The following PLGRKT variants were observed in gnomAD, a reference collection of about 807,000 sequenced individuals.
PLGRKT encodes plasminogen receptor with a C-terminal lysine, also known as plasminogen receptor (KT).
PLGRKT carries 22 observed loss-of-function variants against 18.5 expected under a neutral mutation model. The observed-to-expected ratio is 1.19, with a 90% CI of 0.85 to 1.70. The LOEUF (loss-of-function observed/expected upper bound fraction) is 1.70. Among genes scored for constraint, PLGRKT ranks in the 40% most tolerant of loss-of-function variants. The probability of loss-of-function intolerance (pLI) is 0.00; values close to 1 mark genes in which losing one functional copy is unlikely to be tolerated. For synonymous variants in PLGRKT, 72 were observed against 52.8 expected, an observed-to-expected ratio of 1.36 and a Z score of -1.58; for missense variants, 235 against 174.4, an observed-to-expected ratio of 1.35 and a Z score of -1.96.
At chr9:5,381,696 T>C (rs1010814990) in intron 3 of PLGRKT, among the ~76,000 whole-genome samples, 2 of 152,192 alleles carry the variant, frequency 1.3e-5, no homozygotes, top group African/African-American at 4.8e-5. Context: ...AGGGGTCACC[T>C]CTTGGGAGGA....
At chr9:5,400,786 T>A (rs758559836) in intron 3 of PLGRKT, among the ~76,000 whole-genome samples, 1 of 152,026 alleles carries the variant, frequency 6.6e-6, no homozygotes, top group Non-Finnish European at 1.5e-5. Flanking sequence ...TGGGGTTCTA[T>A]CCTTAACATA....
intron 5 of PLGRKT, among the ~76,000 whole-genome samples, chr9:5,359,005 T>C (rs1180639285): frequency 6.6e-6 from 1 of 152,084 alleles, no homozygotes; most frequent in Non-Finnish European, 1.5e-5. Context: ...TTTATAAGCC[T>C]CCCTTGGGAT....
chr9:5,429,592 T>C (rs2131174131), intron 3 of PLGRKT, among the ~76,000 whole-genome samples: 2 of 152,288 alleles, frequency 1.3e-5, no homozygotes, highest in East Asian at 3.9e-4. Flanking sequence ...GTATGCATAG[T>C]CCAGTATGAA....
At chr9:5,417,127 G>A (rs965786641) in intron 3 of PLGRKT, among the ~76,000 whole-genome samples, 4 of 152,140 alleles carry the variant, frequency 2.6e-5, no homozygotes, top group Admixed American at 2.6e-4. Context: ...AGACACAGCA[G>A]GTTGCCACTC....
At position 5,396,319 on chromosome 9, in the gene PLGRKT, T is replaced by C. The variant is rs570920919; in HGVS notation, c.82-34431A>G. 2.5e-3 allele frequency among the ~76,000 whole-genome samples: 383 copies of C among 151,978 alleles called. 13 individuals are homozygous for C. Among genetic ancestry groups the C allele is most frequent in the African/African-American group, 9.0e-3 (371 of 41,272 alleles). On this transcript the variant is annotated intron_variant, in intron 3 of 5. Transcript: ENST00000223864. ...TTTATTTTTTGAGACAGGGTGTCAC[T>C]CTGTAGCCCAGGCTGGAGTACAATG...
At chr9:5,426,114 G>T (rs909491552) in intron 3 of PLGRKT, among the ~76,000 whole-genome samples, 1 of 152,056 alleles carries the variant, frequency 6.6e-6, no homozygotes, top group Admixed American at 6.5e-5. Context: ...CCATTTTCAG[G>T]GTCCTTTTCA....
At chr9:5,364,730 G>C (rs1377495352) in intron 3 of PLGRKT, among the ~76,000 whole-genome samples, 1 of 152,182 alleles carries the variant, frequency 6.6e-6, no homozygotes, top group Non-Finnish European at 1.5e-5. Context: ...ACGAGTTACA[G>C]ATTAACAATT....
intron 3 of PLGRKT, among the ~76,000 whole-genome samples, chr9:5,389,114 A>G (rs1376312290): frequency 6.6e-6 from 1 of 151,952 alleles, no homozygotes; most frequent in Non-Finnish European, 1.5e-5. Context: ...AGGAGGGCCC[A>G]AAGATTACCT....
intron 1 of PLGRKT, 39 bp downstream of exon 1, chr9:5,437,750 A>C (rs1213522308): frequency 6.6e-6 from 1 of 152,122 alleles, no homozygotes; most frequent in African/African-American, 2.4e-5. Context: ...GGCCGGGCTG[A>C]CCCTTCTCCC....
intron 3 of PLGRKT, among the ~76,000 whole-genome samples, chr9:5,422,701 A>G (rs1040106009): frequency 6.6e-6 from 1 of 152,204 alleles, no homozygotes; most frequent in Admixed American, 6.5e-5. Flanking sequence ...GGTTATATCT[A>G]TATCTGTTAG....
At chr9:5,362,936 G>C (rs926975453) in intron 3 of PLGRKT, among the ~76,000 whole-genome samples, 9 of 152,134 alleles carry the variant, frequency 5.9e-5, no homozygotes, top group Admixed American at 3.3e-4. Context: ...CAGCACAGCA[G>C]AAATGGTTTC....
intron 3 of PLGRKT, among the ~76,000 whole-genome samples, chr9:5,406,519 A>G (rs1818260263): frequency 6.6e-6 from 1 of 152,080 alleles, no homozygotes; most frequent in Non-Finnish European, 1.5e-5. Flanking sequence ...ACAGAAAACC[A>G]AACACTGCAT....
intron 3 of PLGRKT, among the ~76,000 whole-genome samples, chr9:5,429,721 A>G (rs10758688): frequency 0.53 from 79,878 of 152,098 alleles, 24,374 homozygotes; most frequent in Non-Finnish European, 0.67. Context: ...CTATCTCCAA[A>G]CAAGATCACA....
At chr9:5,421,447 T>G (rs1240899733) in intron 3 of PLGRKT, among the ~76,000 whole-genome samples, 1 of 152,206 alleles carries the variant, frequency 6.6e-6, no homozygotes, top group East Asian at 1.9e-4. Context: ...ACTAACACTC[T>G]GTGTTTGTTG....
At chr9:5,413,908 A>G (rs1394689925) in intron 3 of PLGRKT, among the ~76,000 whole-genome samples, 1 of 152,200 alleles carries the variant, frequency 6.6e-6, no homozygotes, top group Non-Finnish European at 1.5e-5. Context: ...GGTTTCCAGG[A>G]TATACTGCTA....
At chr9:5,380,390 G>T (rs199809026) in intron 3 of PLGRKT, among the ~76,000 whole-genome samples, 3 of 131,202 alleles carry the variant, frequency 2.3e-5, no homozygotes, top group African/African-American at 8.6e-5. Flanking sequence ...AAAAAAAAAA[G>T]AATAAAAATA....
chr9:5,422,351 C>A (rs1818594154), intron 3 of PLGRKT, among the ~76,000 whole-genome samples: 1 of 152,170 alleles, frequency 6.6e-6, no homozygotes, highest in South Asian at 2.1e-4. Flanking sequence ...AAGAACTGAA[C>A]TGGAGTCTCA....
chr9:5,410,392 T>C (rs1236448547), intron 3 of PLGRKT, among the ~76,000 whole-genome samples: 1 of 151,396 alleles, frequency 6.6e-6, no homozygotes, highest in Non-Finnish European at 1.5e-5. Flanking sequence ...AGTTCAAAAA[T>C]TAGCTGACAT....
intron 3 of PLGRKT, among the ~76,000 whole-genome samples, chr9:5,416,888 C>A (rs1302785601): frequency 6.6e-6 from 1 of 152,178 alleles, no homozygotes; most frequent in African/African-American, 2.4e-5. Context: ...CTTTCACTTC[C>A]TACCATTTCT....
Sources: gnomAD v4.1 joint callset for allele counts (sites outside exome capture counted in the v4.1 genomes callset) on GRCh38, gnomAD v4.1.1 for gene constraint, MANE v1.5 for transcripts, NCBI Gene and HGNC (gene_info 2026-07-23, HGNC 2026-07-21) for gene names.